Variants in EPSTI1 observed in about 807,000 individuals in gnomAD.
EPSTI1 encodes the protein epithelial stromal interaction 1.
EPSTI1 carries 66 observed loss-of-function variants against 49.9 expected under a neutral mutation model. The ratio of observed to expected loss-of-function variants is 1.32; its 90% CI spans 1.08 to 1.62. The LOEUF is 1.62. EPSTI1 is among the 40% of genes most tolerant of loss of function. EPSTI1 has a pLI of 0.00. For synonymous variants in EPSTI1, 137 were observed against 130.7 expected (o/e 1.05, Z -0.33); for missense variants, 394 against 365.5 (o/e 1.08, Z -0.64).
intron 1 of EPSTI1, among the ~76,000 whole-genome samples, chr13:42,983,563 C>CAAAAAAAAAAAAAAAAAA (rs56259281): frequency 4.1e-4 from 39 of 95,488 alleles, no homozygotes; most frequent in Non-Finnish European, 5.2e-4. Context: ...GACTCCATCT[C>CAAAAAAAAAAAAAAAAAA]AAAAAAAAAA....
At chr13:42,931,492 A>T (rs1035037705) in intron 6 of EPSTI1, among the ~76,000 whole-genome samples, 1 of 152,202 alleles carries the variant, frequency 6.6e-6, no homozygotes, top group African/African-American at 2.4e-5. Flanking sequence ...GGCGTGAGCC[A>T]CCGCGCCCGG....
At chr13:42,912,198 C>A (rs2037706936) in intron 8 of EPSTI1, among the ~76,000 whole-genome samples, 1 of 152,198 alleles carries the variant, frequency 6.6e-6, no homozygotes, top group Admixed American at 6.5e-5. Flanking sequence ...CCAGGGAAAA[C>A]CAATGTGCAG....
intron 6 of EPSTI1, among the ~76,000 whole-genome samples, chr13:42,949,854 C>T (rs1184120542): frequency 1.3e-5 from 2 of 151,994 alleles, no homozygotes; most frequent in African/African-American, 2.4e-5. Context: ...GACTACACCC[C>T]GCCCCCACCA....
chr13:42,979,339 G>A (rs1330441489), intron 1 of EPSTI1, among the ~76,000 whole-genome samples: 1 of 152,156 alleles, frequency 6.6e-6, no homozygotes, highest in Admixed American at 6.5e-5. Context: ...AGCACTTTGG[G>A]AGACTGAGGC....
At chr13:42,974,369 T>A (rs1157478168) in intron 1 of EPSTI1, among the ~76,000 whole-genome samples, 2 of 145,930 alleles carry the variant, frequency 1.4e-5, no homozygotes, top group Non-Finnish European at 3.0e-5. Flanking sequence ...AAAAGAAATG[T>A]TTTCCTGGCC....
chr13:42,919,264 A>T, intron 7 of EPSTI1: 5 of 1,609,370 alleles, frequency 3.1e-6, no homozygotes, highest in Non-Finnish European at 4.3e-6. Context: ...AAACTTATGA[A>T]AAGTTCAGTT....
intron 5 of EPSTI1, among the ~76,000 whole-genome samples, chr13:42,955,919 T>C (rs1388539120): frequency 1.3e-5 from 2 of 150,500 alleles, no homozygotes; most frequent in African/African-American, 4.9e-5. Context: ...TCTGGAGTAG[T>C]TGAAAAATTG....
chr13:42,964,945 T>C (rs776168033), intron 3 of EPSTI1, among the ~76,000 whole-genome samples: 15 of 152,208 alleles, frequency 9.9e-5, no homozygotes, highest in Non-Finnish European at 1.0e-4. Flanking sequence ...CTCTGAAAGA[T>C]TCACTCTCAC....
At chr13:42,932,084 A>T (rs1487074810) in intron 6 of EPSTI1, among the ~76,000 whole-genome samples, 3 of 151,150 alleles carry the variant, frequency 2.0e-5, no homozygotes, top group Admixed American at 2.0e-4. Context: ...GGACTACAGG[A>T]GCACACCACA....
At chr13:42,970,767 A>T in intron 1 of EPSTI1, 97 bp from the exon 2 acceptor site, 1 of 861,916 alleles carries the variant, frequency 1.2e-6, no homozygotes, top group Non-Finnish European at 1.8e-6. Flanking sequence ...TGTATTTATG[A>T]TCATTACCAT....
intron 6 of EPSTI1, among the ~76,000 whole-genome samples, chr13:42,929,747 A>G (rs2038301472): frequency 6.6e-6 from 1 of 152,222 alleles, no homozygotes; most frequent in Non-Finnish European, 1.5e-5. Context: ...TATAAGTAAT[A>G]TCTTAACAAT....
chr13:42,986,442 G>T (rs570460350), intron 1 of EPSTI1, among the ~76,000 whole-genome samples: 5 of 152,028 alleles, frequency 3.3e-5, no homozygotes, highest in Admixed American at 6.5e-5. Context: ...TGCGATTGGG[G>T]GGTTAAAACT....
rs2037878100 is a variant in EPSTI1 at position 42,917,701 on chromosome 13, C to T, written c.658-77G>A. The T allele has an allele frequency of 3.7e-6, 4 of 1,083,076 alleles. No homozygotes were observed. In the South Asian group the frequency reaches 5.8e-5, roughly 16 times the overall value. The allele number at this position is 1,083,076 out of a possible 1,614,324, so 67.1% of individuals were successfully genotyped here. On this transcript the variant is annotated intron_variant, in intron 7 of 10. Transcript: ENST00000313624. ...AGGGTTGTCACAGTACACCAAGCTGCCTACTATAGGCCCGGTGCTAATAAC... is the reference window on the plus strand; with the variant it reads ...AGGGTTGTCACAGTACACCAAGCTGTCTACTATAGGCCCGGTGCTAATAAC...
chr13:42,972,718 G>A (rs571161995), intron 1 of EPSTI1, among the ~76,000 whole-genome samples: 30 of 152,336 alleles, frequency 2.0e-4, no homozygotes, highest in African/African-American at 7.0e-4. Flanking sequence ...CTTGTAGAGA[G>A]TGAGGGGAGA....
intron 1 of EPSTI1, chr13:42,990,954 G>C (rs1340933765): frequency 6.6e-6 from 1 of 152,258 alleles, no homozygotes; most frequent in Non-Finnish European, 1.5e-5. Context: ...TGGCTAGAAA[G>C]AGAGGCTCAT....
chr13:42,952,892 T>C (rs17063897), intron 6 of EPSTI1, among the ~76,000 whole-genome samples: 4 of 152,136 alleles, frequency 2.6e-5, no homozygotes, highest in Non-Finnish European at 5.9e-5. Context: ...TTTAGTGGCA[T>C]GAGAAATCAG....
In EPSTI1 at chr13:42,953,230, A is replaced by G. The variant is rs143145650; in HGVS notation, c.563+718T>C. Among the ~76,000 whole-genome samples the G allele has an allele frequency of 4.9e-3, 709 of 144,710 alleles. 7 individuals carry two copies. Among genetic ancestry groups the G allele is most frequent in the African/African-American group, 0.017 (653 of 38,648 alleles). The allele number at this position is 144,710 out of a possible 152,430, so 94.9% of individuals were successfully genotyped here. ...TTAATTCTTGCAAATGGCCTATAAG[A>G]TAGATATTATCTGTATTTAAGAAAA... On this transcript the variant is annotated intron_variant, in intron 6 of 10. Transcript: ENST00000313624.
intron 7 of EPSTI1, among the ~76,000 whole-genome samples, chr13:42,923,186 G>A (rs926613124): frequency 6.6e-6 from 1 of 152,254 alleles, no homozygotes; most frequent in African/African-American, 2.4e-5. Context: ...TATCCTTGAA[G>A]ATATGGGGGA....
rs202128478 is a variant in EPSTI1, at chr13:42,888,198, A to G, written c.*296T>C. On this transcript the variant is annotated 3_prime_UTR_variant, in exon 11 of 11. Coordinates refer to ENST00000313624, the MANE Select transcript of EPSTI1 (RefSeq NM_033255.5). ...AGCTCTGATTAACCTGAAAGCATCAAGTGACTCCCTCTTTTTCTACCCTAC... is the reference window on the plus strand; with the variant it reads ...AGCTCTGATTAACCTGAAAGCATCAGGTGACTCCCTCTTTTTCTACCCTAC... The G allele has an allele frequency of 6.9e-6, 11 of 1,594,572 alleles. No homozygotes were observed. The highest frequency in any genetic ancestry group is 1.7e-5 in the Admixed American group (1 of 58,970).
Sources: gnomAD v4.1 joint callset for allele counts (sites outside exome capture counted in the v4.1 genomes callset) on GRCh38, gnomAD v4.1.1 for gene constraint, MANE v1.5 for transcripts, NCBI Gene and HGNC (gene_info 2026-07-23, HGNC 2026-07-21) for gene names.